The following ASIC2 variants were observed in gnomAD, a reference collection of about 807,000 sequenced individuals.
ASIC2 encodes acid-sensing ion channel 2.
A neutral mutation model predicts 57.3 loss-of-function variants in ASIC2; 25 were observed. The observed-to-expected ratio is 0.44, with a 90% CI of 0.32 to 0.61. The LOEUF is 0.61. Ranked by LOEUF, ASIC2 falls within the 20% of genes least tolerant of loss-of-function variation. The pLI, the probability that ASIC2 is intolerant of heterozygous loss-of-function variation, is 0.06. For synonymous variants in ASIC2, 319 were observed against 307.5 expected (o/e 1.04, Z -0.39); for missense variants, 641 against 738.1 (o/e 0.87, Z 1.52).
chr17:33,921,953 C>T (rs938820277), intron 1 of ASIC2, among the ~76,000 whole-genome samples: 1 of 152,074 alleles, frequency 6.6e-6, no homozygotes, highest in Admixed American at 6.5e-5. Flanking sequence ...AAATGATTAA[C>T]AATGGAATTG....
At chr17:33,650,402 C>T (rs1344523792) in intron 1 of ASIC2, among the ~76,000 whole-genome samples, 1 of 152,172 alleles carries the variant, frequency 6.6e-6, no homozygotes, top group Non-Finnish European at 1.5e-5. Flanking sequence ...AATGACACAG[C>T]TACCCTGGAA....
intron 1 of ASIC2, among the ~76,000 whole-genome samples, chr17:33,233,528 A>T (rs1409883728): frequency 2.0e-5 from 1 of 48,906 alleles, no homozygotes; most frequent in Non-Finnish European, 6.5e-5. Flanking sequence ...ACACACACAC[A>T]CACACACACA....
intron 1 of ASIC2, among the ~76,000 whole-genome samples, chr17:33,817,052 C>T (rs892243139): frequency 6.6e-5 from 10 of 152,328 alleles, no homozygotes; most frequent in South Asian, 2.1e-4. Context: ...AGTGCCCCAG[C>T]GGGGCTGCAC....
At chr17:33,455,552 A>G (rs1952124577) in intron 1 of ASIC2, among the ~76,000 whole-genome samples, 1 of 152,260 alleles carries the variant, frequency 6.6e-6, no homozygotes, top group African/African-American at 2.4e-5. Flanking sequence ...ATAATATTCC[A>G]TGGTGAATAT....
intron 1 of ASIC2, among the ~76,000 whole-genome samples, chr17:33,725,241 T>C (rs1304147866): frequency 2.0e-5 from 3 of 152,164 alleles, no homozygotes; most frequent in African/African-American, 7.2e-5. Context: ...AATAAACACA[T>C]CATTAGAGAG....
chr17:34,100,896 T>TG (rs1192809152), intron 1 of ASIC2, among the ~76,000 whole-genome samples: 1 of 152,222 alleles, frequency 6.6e-6, no homozygotes, highest in Non-Finnish European at 1.5e-5. Flanking sequence ...ATAAGGGCTA[T>TG]GGGGACAAAT....
intron 1 of ASIC2, among the ~76,000 whole-genome samples, chr17:33,259,201 T>C (rs754022933): frequency 2.6e-5 from 4 of 152,128 alleles, no homozygotes; most frequent in Admixed American, 1.3e-4. Flanking sequence ...AAAGGCACTT[T>C]AAAAAATAAA....
Position 33,181,768 on chromosome 17 carries a change from G to C in ASIC2, c.709-69701C>G, listed in dbSNP as rs531639329. On this transcript the variant is annotated intron_variant, in intron 1 of 9. Coordinates refer to ENST00000225823, the MANE Select transcript of ASIC2 (RefSeq NM_183377.2). The stretch of plus-strand genomic sequence containing the variant: ...CCAAATAAGGCCCTATTCACACACA[G>C]GTACCAGGGGCAAGGACTTGGAGAT... Among the ~76,000 whole-genome samples, 7 of 152,262 alleles carry C rather than the reference G, an allele frequency of 4.6e-5. No individual in the cohort carries two copies. In the East Asian group the frequency reaches 1.3e-3, roughly 29 times the overall value.
chr17:33,068,797 G>T (rs190182291), intron 3 of ASIC2, among the ~76,000 whole-genome samples: 1 of 151,770 alleles, frequency 6.6e-6, no homozygotes, highest in East Asian at 1.9e-4. Flanking sequence ...AAATCTTTTG[G>T]CCTCCTTGTT....
At chr17:34,004,003 A>G (rs1004883573) in intron 1 of ASIC2, 2 of 152,236 alleles carry the variant, frequency 1.3e-5, no homozygotes, top group African/African-American at 4.8e-5. Flanking sequence ...GAGGTCGACT[A>G]CAGAATGCTG....
At chr17:33,567,801 C>T (rs192878720) in intron 1 of ASIC2, among the ~76,000 whole-genome samples, 19 of 152,090 alleles carry the variant, frequency 1.2e-4, no homozygotes, top group African/African-American at 4.3e-4. Flanking sequence ...AACTTGTCAA[C>T]CATACTGCAA....
intron 1 of ASIC2, among the ~76,000 whole-genome samples, chr17:33,210,153 C>T (rs537149657): frequency 1.3e-5 from 2 of 152,296 alleles, no homozygotes; most frequent in East Asian, 3.9e-4. Context: ...GTTTCTCCAC[C>T]TCACAGACAC....
At chr17:34,010,153 A>G (rs1282005824) in intron 1 of ASIC2, among the ~76,000 whole-genome samples, 8 of 152,144 alleles carry the variant, frequency 5.3e-5, no homozygotes, top group Admixed American at 5.2e-4. Context: ...TCAGCCCTTA[A>G]CTATTGGGCA....
intron 1 of ASIC2, among the ~76,000 whole-genome samples, chr17:33,968,313 G>A (rs1050474589): frequency 2.0e-5 from 3 of 152,162 alleles, no homozygotes; most frequent in South Asian, 2.1e-4. Context: ...GGTGTCTGGC[G>A]AGACCTGAAC....
chr17:33,205,724 A>G lies in ASIC2; in HGVS notation c.708+85684T>C, dbSNP rs142134018. Among the ~76,000 whole-genome samples the G allele has an allele frequency of 2.1e-3, 322 of 152,264 alleles. 2 individuals carry two copies. In the East Asian group the frequency reaches 0.023, roughly 11 times the overall value. The stretch of plus-strand genomic sequence containing the variant: ...GTTCTGGTTGGGTCCTGACACCTTT[A>G]TCTTGGCTTGGTGATATGACATCAT... On this transcript the variant is annotated intron_variant, in intron 1 of 9. Transcript: ENST00000225823.
chr17:33,639,470 C>G (rs1906482950), intron 1 of ASIC2, among the ~76,000 whole-genome samples: 1 of 152,146 alleles, frequency 6.6e-6, no homozygotes, highest in African/African-American at 2.4e-5. Flanking sequence ...ATCTTACACC[C>G]ACTGTGGTGA....
intron 1 of ASIC2, among the ~76,000 whole-genome samples, chr17:33,499,017 T>C (rs998938399): frequency 6.6e-6 from 1 of 152,210 alleles, no homozygotes; most frequent in Non-Finnish European, 1.5e-5. Flanking sequence ...GGGGTACTGC[T>C]TAGGCAATTG....
At chr17:33,065,402 T>A (rs1372827950) in intron 3 of ASIC2, among the ~76,000 whole-genome samples, 1 of 151,926 alleles carries the variant, frequency 6.6e-6, no homozygotes, top group Non-Finnish European at 1.5e-5. Flanking sequence ...CTCAGAATCC[T>A]GAGCTCAAGC....
rs556787704 is a variant in ASIC2 at position 33,718,204 on chromosome 17, A to G, written c.555+437774T>C. ...TTTACTTAGCCCTAATACAATGTAA[A>G]TGCTATGTAAATGGTTGTTAGACTG... is the stretch of plus-strand genomic sequence containing the variant. On this transcript the variant is annotated intron_variant, in intron 1 of 9. Transcript: ENST00000359872. Among the ~76,000 whole-genome samples, 17 of 152,324 alleles carry G rather than the reference A, an allele frequency of 1.1e-4. 1 individual carries two copies. In the South Asian group the frequency reaches 3.5e-3, roughly 32 times the overall value.
Sources: allele counts gnomAD v4.1 joint callset (sites outside exome capture counted in the v4.1 genomes callset), GRCh38; gene constraint gnomAD v4.1.1; transcripts MANE v1.5; gene names NCBI Gene and HGNC (gene_info 2026-07-23, HGNC 2026-07-21).